Variants in ITGA8 observed in about 807,000 individuals in gnomAD.
The protein encoded by ITGA8 is integrin subunit alpha 8.
In ITGA8, 91 loss-of-function variants were observed where a neutral mutation model predicts 142.3. That is an observed-to-expected ratio of 0.64 (90% confidence interval 0.54 to 0.76). The LOEUF (loss-of-function observed/expected upper bound fraction) is 0.76. Among genes scored for constraint, ITGA8 ranks in the 30% least tolerant of loss-of-function variants. The pLI is 0.00. For missense variants in ITGA8, 1,406 were observed against 1,327.7 expected, an observed-to-expected ratio of 1.06 and a Z score of -0.92; for synonymous variants, 505 against 485.2, an observed-to-expected ratio of 1.04 and a Z score of -0.54.
intron 23 of ITGA8, among the ~76,000 whole-genome samples, chr10:15,586,181 C>T (rs1832827824): frequency 6.6e-6 from 1 of 150,594 alleles, no homozygotes; most frequent in Non-Finnish European, 1.5e-5. Flanking sequence ...GCCTCAGCCT[C>T]CTGAGTAGCT....
At chr10:15,520,574 A>T (rs1484863343) in intron 28 of ITGA8, among the ~76,000 whole-genome samples, 2 of 152,194 alleles carry the variant, frequency 1.3e-5, no homozygotes, top group East Asian at 3.9e-4. Context: ...GGGCAGAAGC[A>T]CTTCTATTGC....
chr10:15,652,340 GA>G (rs1299559540), intron 11 of ITGA8, among the ~76,000 whole-genome samples: 2 of 152,160 alleles, frequency 1.3e-5, no homozygotes, highest in African/African-American at 4.8e-5. Flanking sequence ...CTGTGGAAGA[GA>G]ACACATGGAA....
intron 13 of ITGA8, among the ~76,000 whole-genome samples, chr10:15,621,102 T>C (rs766594550): frequency 3.3e-5 from 5 of 152,060 alleles, no homozygotes; most frequent in Non-Finnish European, 5.9e-5. Context: ...ATAAATGCCT[T>C]AAGGGCAAAT....
intron 21 of ITGA8, among the ~76,000 whole-genome samples, chr10:15,594,087 G>A (rs956021000): frequency 1.6e-4 from 25 of 151,900 alleles, no homozygotes; most frequent in Non-Finnish European, 1.3e-4. Flanking sequence ...TGATCCGCCC[G>A]CCTTGACCTC....
rs373949695 is a variant in ITGA8, at chr10:15,562,354, C to T, written c.2638-4152G>A. Among the ~76,000 whole-genome samples, 101 of 152,276 alleles carry T rather than the reference C, an allele frequency of 6.6e-4. 1 individual carries two copies. The South Asian group carries it at 0.01, about 15-fold the overall frequency. On this transcript the variant is annotated intron_variant, in intron 25 of 29. Transcript: ENST00000378076. ...GCGCCCCGACATCAATCTGTCATGG[C>T]GCCATCAGGCTATGGGGTAGAGAAG...
intron 13 of ITGA8, among the ~76,000 whole-genome samples, chr10:15,632,645 T>A (rs1260959596): frequency 2.0e-5 from 3 of 152,158 alleles, no homozygotes; most frequent in African/African-American, 7.2e-5. Flanking sequence ...AGCACTCTTA[T>A]CACACCAAGG....
intron 21 of ITGA8, among the ~76,000 whole-genome samples, chr10:15,595,909 G>A (rs568745603): frequency 1.6e-4 from 25 of 152,104 alleles, no homozygotes; most frequent in South Asian, 1.0e-3. Context: ...AAAATTAGCC[G>A]GGCATGTTGG....
chr10:15,709,106 G>T (rs1273765931), intron 2 of ITGA8, among the ~76,000 whole-genome samples: 1 of 152,204 alleles, frequency 6.6e-6, no homozygotes, highest in Non-Finnish European at 1.5e-5. Context: ...TGAATTCTTA[G>T]TGCCTTTTCT....
Position 15,517,316 on chromosome 10 carries a change from T to G in ITGA8, c.3106-72A>C, listed in dbSNP as rs992035836. ...TGTGAAACCCCTCATTCAAAGAATT[T>G]TCACTTTATGTATTTTTTTTTTTTT... is the stretch of plus-strand genomic sequence containing the variant. On this transcript the variant is annotated intron_variant, in intron 29 of 29. Coordinates refer to ENST00000378076, the MANE Select transcript of ITGA8 (RefSeq NM_003638.3). 1.1e-5 allele frequency: 12 copies of G among 1,048,848 alleles called. No homozygotes were observed. In the African/African-American group the frequency reaches 2.0e-4, roughly 17 times the overall value. The allele number at this position is 1,048,848 out of a possible 1,614,324, so 65.0% of individuals were successfully genotyped here. A position where few individuals can be genotyped will look rare whatever the true frequency, so the allele number is the denominator to read the frequency against.
chr10:15,662,163 A>G (rs1027630765), intron 8 of ITGA8, among the ~76,000 whole-genome samples: 1 of 152,078 alleles, frequency 6.6e-6, no homozygotes, highest in Non-Finnish European at 1.5e-5. Context: ...TGTAATATTG[A>G]GTAAAGATCC....
chr10:15,632,218 A>ATAG (rs1833697004), intron 13 of ITGA8, among the ~76,000 whole-genome samples: 1 of 150,658 alleles, frequency 6.6e-6, no homozygotes, highest in South Asian at 2.1e-4. Context: ...GGTCATTGAC[A>ATAG]TAGCTGTGTC....
chr10:15,639,856 T>C (rs1282290521), intron 13 of ITGA8, among the ~76,000 whole-genome samples: 1 of 152,206 alleles, frequency 6.6e-6, no homozygotes, highest in East Asian at 1.9e-4. Context: ...GCAACCAAGG[T>C]TGCGAACCCC....
At chr10:15,672,328 G>C (rs1242106325) in intron 7 of ITGA8, among the ~76,000 whole-genome samples, 1 of 152,152 alleles carries the variant, frequency 6.6e-6, no homozygotes, top group Non-Finnish European at 1.5e-5. Context: ...CTATCATCCT[G>C]TCCCTGTCAC....
intron 2 of ITGA8, among the ~76,000 whole-genome samples, chr10:15,716,668 G>GTT (rs1490777383): frequency 3.3e-5 from 3 of 90,276 alleles, no homozygotes; most frequent in Non-Finnish European, 6.2e-5. Flanking sequence ...ATAACCTATT[G>GTT]TATTTTTTTT....
At chr10:15,598,714 C>T (rs1171345580) in intron 20 of ITGA8, among the ~76,000 whole-genome samples, 1 of 152,074 alleles carries the variant, frequency 6.6e-6, no homozygotes, top group Non-Finnish European at 1.5e-5. Context: ...AAAACCCTGC[C>T]CCCAGAATCC....
At chr10:15,607,606 T>C (rs1051062962) in intron 17 of ITGA8, 71 bp downstream of exon 17, 22 of 1,445,792 alleles carry the variant, frequency 1.5e-5, no homozygotes, top group Non-Finnish European at 2.0e-5. Context: ...ACATGATGGT[T>C]AAATGGAGAA....
At chr10:15,661,936 A>T (rs1378598080) in intron 8 of ITGA8, among the ~76,000 whole-genome samples, 1 of 152,180 alleles carries the variant, frequency 6.6e-6, no homozygotes, top group East Asian at 1.9e-4. Context: ...GACACTAAAA[A>T]CAAACCACAA....
At chr10:15,654,474 G>T (rs1021880193) in intron 11 of ITGA8, among the ~76,000 whole-genome samples, 4 of 152,176 alleles carry the variant, frequency 2.6e-5, no homozygotes. Flanking sequence ...GGTACAAAAG[G>T]TATGAAATTT....
Position 15,719,821 on chromosome 10 carries a change from C to T in ITGA8, c.-50G>A. The stretch of plus-strand genomic sequence containing the variant: ...GCTACCCAGGAGCGCGAGCCGAGGA[C>T]CCCTGCGGGGCAAGGGGGGCTGGTG... On this transcript the variant is annotated 5_prime_UTR_variant, in exon 1 of 30. Transcript: ENST00000378076. The T allele has an allele frequency of 7.8e-7, 1 of 1,278,454 alleles. No homozygotes were observed. The highest frequency in any genetic ancestry group is 1.6e-5 in the African/African-American group (1 of 63,810). The allele number at this position is 1,278,454 out of a possible 1,614,324, so 79.2% of individuals were successfully genotyped here. A position where few individuals can be genotyped will look rare whatever the true frequency, so the allele number is the denominator to read the frequency against.
Sources: allele counts gnomAD v4.1 joint callset (sites outside exome capture counted in the v4.1 genomes callset), GRCh38; gene constraint gnomAD v4.1.1; transcripts MANE v1.5; gene names NCBI Gene and HGNC (gene_info 2026-07-23, HGNC 2026-07-21).